Variants in RARB observed in about 807,000 individuals in gnomAD.
RARB encodes HBV-activated protein.
Under a neutral mutation model 51.9 loss-of-function variants are expected in RARB, and 17 were observed. That is an observed-to-expected ratio of 0.33 (90% confidence interval 0.22 to 0.49). The LOEUF (loss-of-function observed/expected upper bound fraction) is 0.49. Among genes scored for constraint, RARB ranks in the 20% least tolerant of loss-of-function variants. The probability of loss-of-function intolerance (pLI) is 0.99; values close to 1 mark genes in which losing one functional copy is unlikely to be tolerated. For missense variants in RARB, 369 were observed against 550.8 expected (o/e 0.67, Z 3.30); for synonymous variants, 215 against 195.4 (o/e 1.10, Z -0.84).
chr3:25,535,604 CCT>C (rs1471120006), intron 3 of RARB, among the ~76,000 whole-genome samples: 1 of 152,052 alleles, frequency 6.6e-6, no homozygotes, highest in Non-Finnish European at 1.5e-5. Flanking sequence ...TGTTCCCTTC[CCT>C]GTGTCCATGT....
intron 2 of RARB, among the ~76,000 whole-genome samples, chr3:25,034,012 G>C (rs994410326): frequency 2.0e-5 from 3 of 152,128 alleles, no homozygotes; most frequent in African/African-American, 7.2e-5. Flanking sequence ...TTCTTAAGCC[G>C]TAGGATCTAG....
intron 3 of RARB, among the ~76,000 whole-genome samples, chr3:25,102,857 G>C (rs747442412): frequency 2.0e-5 from 3 of 152,140 alleles, no homozygotes; most frequent in Non-Finnish European, 4.4e-5. Context: ...TTTGAGGCCA[G>C]CCTGGCCAAC....
At chr3:25,105,284 G>T (rs956713944) in intron 3 of RARB, among the ~76,000 whole-genome samples, 1 of 152,004 alleles carries the variant, frequency 6.6e-6, no homozygotes, top group African/African-American at 2.4e-5. Flanking sequence ...TGTGCATTCA[G>T]GCTTCTCTGA....
intron 2 of RARB, among the ~76,000 whole-genome samples, chr3:24,909,084 C>A (rs1385955496): frequency 6.6e-6 from 1 of 151,980 alleles, no homozygotes; most frequent in East Asian, 1.9e-4. Flanking sequence ...TTTTCATGAC[C>A]CTAGGAGACA....
chr3:25,323,337 T>C (rs1704625342), intron 5 of RARB, among the ~76,000 whole-genome samples: 1 of 152,160 alleles, frequency 6.6e-6, no homozygotes, highest in Non-Finnish European at 1.5e-5. Flanking sequence ...ATAAGAGCAA[T>C]TGCTGTGGTC....
intron 2 of RARB, among the ~76,000 whole-genome samples, chr3:24,927,717 A>AT (rs766195785): frequency 1.1e-4 from 16 of 152,038 alleles, no homozygotes; most frequent in Non-Finnish European, 1.6e-4. Flanking sequence ...TCACTAGTCT[A>AT]TTTTTTCCCT....
At position 25,082,408 on chromosome 3, in the gene RARB, T is replaced by C. The variant is rs542521399; in HGVS notation, c.-328+22232T>C. On this transcript the variant is annotated intron_variant, in intron 3 of 11. Transcript: ENST00000383772. The stretch of plus-strand genomic sequence containing the variant: ...GTTTGTTTTTTAGTATTTTGATTTT[T>C]TCTCTAAGTTCAGTAATTATACCCC... Among the ~76,000 whole-genome samples the C allele has an allele frequency of 1.6e-4, 25 of 152,230 alleles. 1 individual carries two copies. In the South Asian group the frequency reaches 5.2e-3, roughly 32 times the overall value.
At chr3:25,367,817 C>CAAAAAAAAAAAAAAAAAAAAAAAAAA (rs369165017) in intron 5 of RARB, among the ~76,000 whole-genome samples, 1 of 125,574 alleles carries the variant, frequency 8.0e-6, no homozygotes, top group African/African-American at 3.2e-5. Flanking sequence ...AAAAAACAAG[C>CAAAAAAAAAAAAAAAAAAAAAAAAAA]AAAAAAAAAA....
intron 5 of RARB, among the ~76,000 whole-genome samples, chr3:25,422,149 A>G (rs1378758666): frequency 1.3e-5 from 2 of 152,312 alleles, no homozygotes; most frequent in Non-Finnish European, 2.9e-5. Context: ...GTTCATACAT[A>G]TGATCTCAAA....
rs533179893 is a variant in RARB, at chr3:25,135,324, A to G, written c.-280+3116A>G. Among the ~76,000 whole-genome samples the G allele has an allele frequency of 2.0e-5, 3 of 152,046 alleles. No homozygotes were observed. In the South Asian group the frequency reaches 6.2e-4, roughly 32 times the overall value. ...TTTAAAATATATGTGGCTAGTGACT[A>G]CCATATCGGATGACACAATTCTAAA... On this transcript the variant is annotated intron_variant, in intron 4 of 11. Coordinates refer to the RARB transcript ENST00000383772.
chr3:24,934,093 T>C (rs1468485053), intron 2 of RARB, among the ~76,000 whole-genome samples: 1 of 152,140 alleles, frequency 6.6e-6, no homozygotes, highest in Non-Finnish European at 1.5e-5. Flanking sequence ...TAACAGAGCT[T>C]TTCCAATTGT....
chr3:25,497,472 G>A (rs1299536937), intron 2 of RARB, among the ~76,000 whole-genome samples: 3 of 151,908 alleles, frequency 2.0e-5, no homozygotes, highest in Non-Finnish European at 4.4e-5. Context: ...TTCTTTGCCC[G>A]CAGAAACTCC....
chr3:25,254,652 G>A (rs780267476), intron 5 of RARB, among the ~76,000 whole-genome samples: 1 of 152,084 alleles, frequency 6.6e-6, no homozygotes, highest in Non-Finnish European at 1.5e-5. Context: ...TCAAGGCAAG[G>A]CCTTGTGGGT....
At chr3:25,373,927 C>T (rs1288632495) in intron 5 of RARB, among the ~76,000 whole-genome samples, 2 of 152,192 alleles carry the variant, frequency 1.3e-5, no homozygotes, top group African/African-American at 4.8e-5. Context: ...AGAGCAGTGT[C>T]TGGCTAGATA....
At chr3:24,937,439 CA>C (rs1387697053) in intron 2 of RARB, among the ~76,000 whole-genome samples, 1 of 152,122 alleles carries the variant, frequency 6.6e-6, no homozygotes. Context: ...TCTTACTTTT[CA>C]TCCTTACTAC....
At chr3:25,249,388 C>A (rs924899689) in intron 5 of RARB, among the ~76,000 whole-genome samples, 2 of 151,972 alleles carry the variant, frequency 1.3e-5, no homozygotes, top group Non-Finnish European at 2.9e-5. Context: ...TCCCACTGAA[C>A]TTTTTAATAT....
intron 3 of RARB, among the ~76,000 whole-genome samples, chr3:25,522,712 G>C (rs1015682592): frequency 6.6e-6 from 1 of 152,172 alleles, no homozygotes; most frequent in Non-Finnish European, 1.5e-5. Flanking sequence ...CATTCTGGAA[G>C]CACAGCCCCG....
At chr3:24,886,634 G>A (rs947166368) in intron 2 of RARB, among the ~76,000 whole-genome samples, 3 of 151,946 alleles carry the variant, frequency 2.0e-5, no homozygotes, top group African/African-American at 7.3e-5. Context: ...TAGAGACAAG[G>A]TCTCGTTATG....
At chr3:24,925,655 TAAAAA>T (rs34972309) in intron 2 of RARB, among the ~76,000 whole-genome samples, 1 of 104,798 alleles carries the variant, frequency 9.5e-6, no homozygotes, top group Non-Finnish European at 1.9e-5. Context: ...TTTTTTTTTT[TAAAAA>T]AAAAAAAAAA....
Sources: gnomAD v4.1 joint callset for allele counts (sites outside exome capture counted in the v4.1 genomes callset) on GRCh38, gnomAD v4.1.1 for gene constraint, MANE v1.5 for transcripts, NCBI Gene and HGNC (gene_info 2026-07-23, HGNC 2026-07-21) for gene names.